The following ARIH1 variants were observed in gnomAD, a reference collection of about 807,000 sequenced individuals.
ARIH1 encodes E3 ubiquitin-protein ligase ARIH1.
A neutral mutation model predicts 85.0 loss-of-function variants in ARIH1; 8 were observed. The observed-to-expected ratio is 0.09, with a 90% CI of 0.06 to 0.17. The LOEUF (loss-of-function observed/expected upper bound fraction) is 0.17. ARIH1 is among the 10% of genes least tolerant of loss of function. The pLI is 1.00. For synonymous variants in ARIH1, 238 were observed against 253.6 expected, an observed-to-expected ratio of 0.94 and a Z score of 0.59; for missense variants, 311 against 718.1, an observed-to-expected ratio of 0.43 and a Z score of 6.48.
At chr15:72,492,429 CT>C (rs1197727239) in intron 1 of ARIH1, among the ~76,000 whole-genome samples, 17 of 152,162 alleles carry the variant, frequency 1.1e-4, no homozygotes, top group African/African-American at 4.1e-4. Flanking sequence ...GAAAATAGTT[CT>C]TTAGTAAAGT....
At chr15:72,571,396 A>C (rs2064246134) in intron 10 of ARIH1, among the ~76,000 whole-genome samples, 1 of 152,220 alleles carries the variant, frequency 6.6e-6, no homozygotes, top group African/African-American at 2.4e-5. Flanking sequence ...AGTGCATGGT[A>C]TATAGTAAGC....
intron 1 of ARIH1, among the ~76,000 whole-genome samples, chr15:72,500,511 TTATAAAGC>T (rs2063898323): frequency 6.6e-6 from 1 of 152,228 alleles, no homozygotes; most frequent in Non-Finnish European, 1.5e-5. Context: ...ACTTGTGTCC[TTATAAAGC>T]TTTGGGGAAT....
At position 72,587,050 on chromosome 15, in the gene ARIH1, T is replaced by C; in HGVS notation, c.*3758T>C. The C allele has an allele frequency of 2.6e-6, 1 of 381,256 alleles. No individual in the cohort carries two copies. 23.6% of individuals were successfully genotyped at this position (381,256 alleles called of 1,614,324 possible). ...CAGGTTTTAGGACAATTTAATTTACTCTTATTTGGATCTGTAATTATGGGA... is the reference window on the plus strand; with the variant it reads ...CAGGTTTTAGGACAATTTAATTTACCCTTATTTGGATCTGTAATTATGGGA... On this transcript the variant is annotated 3_prime_UTR_variant, in exon 14 of 14. Transcript: ENST00000379887.
In ARIH1 at chr15:72,509,308, A is replaced by C. The variant is rs147621624; in HGVS notation, c.376-8759A>C. Among the ~76,000 whole-genome samples the C allele has an allele frequency of 2.0e-4, 31 of 152,212 alleles. No homozygotes were observed. In the East Asian group the frequency reaches 6.0e-3, roughly 29 times the overall value. Reference sequence around the variant, plus strand: ...CCTGGCCCACATTGTTCTTTTTAAAAGAACTTCACTACAGGTGCTCCAGTG... The same window carrying C: ...CCTGGCCCACATTGTTCTTTTTAAACGAACTTCACTACAGGTGCTCCAGTG... On this transcript the variant is annotated intron_variant, in intron 1 of 13. Transcript: ENST00000379887.
chr15:72,495,529 C>T (rs1287473966), intron 1 of ARIH1, among the ~76,000 whole-genome samples: 1 of 152,080 alleles, frequency 6.6e-6, no homozygotes, highest in African/African-American at 2.4e-5. Context: ...AAAGAATATA[C>T]AAATGGTTAG....
At chr15:72,486,669 T>C (rs2063838610) in intron 1 of ARIH1, among the ~76,000 whole-genome samples, 1 of 151,162 alleles carries the variant, frequency 6.6e-6, no homozygotes, top group Non-Finnish European at 1.5e-5. Flanking sequence ...GCCCTACTTT[T>C]TTTTTTTTTC....
intron 1 of ARIH1, among the ~76,000 whole-genome samples, chr15:72,502,650 A>G (rs1415247183): frequency 2.0e-5 from 3 of 152,024 alleles, no homozygotes; most frequent in Non-Finnish European, 2.9e-5. Flanking sequence ...ACAAAAAAAT[A>G]AAAAAATTAG....
At chr15:72,501,258 G>C (rs1302336901) in intron 1 of ARIH1, among the ~76,000 whole-genome samples, 1 of 152,100 alleles carries the variant, frequency 6.6e-6, no homozygotes, top group East Asian at 1.9e-4. Flanking sequence ...TTCAAAAATA[G>C]AATTTTTCTT....
intron 1 of ARIH1, among the ~76,000 whole-genome samples, chr15:72,485,058 G>A (rs942061219): frequency 5.3e-5 from 8 of 152,112 alleles, no homozygotes; most frequent in Non-Finnish European, 8.8e-5. Flanking sequence ...GCGTAGAAGT[G>A]TTCCCTTCTC....
chr15:72,479,115 G>T (rs886433617), intron 1 of ARIH1, among the ~76,000 whole-genome samples: 27 of 151,910 alleles, frequency 1.8e-4, no homozygotes, highest in Non-Finnish European at 4.4e-5. Context: ...TGGTAGGCCT[G>T]GAAATCCAAA....
At chr15:72,578,607 C>T (rs145982471) in intron 11 of ARIH1, among the ~76,000 whole-genome samples, 43 of 151,896 alleles carry the variant, frequency 2.8e-4, no homozygotes, top group African/African-American at 1.0e-3. Context: ...GGTTTGTCCG[C>T]AAGTGTTTTC....
rs2064351427 is a variant in ARIH1 at position 72,593,612 on chromosome 15, TA to T, written c.*10325del. 1 of 152,226 alleles carries T rather than the reference TA, an allele frequency of 6.6e-6. No homozygotes were observed. Among genetic ancestry groups the T allele is most frequent in the Admixed American group, 6.5e-5 (1 of 15,290 alleles). The allele number at this position is 152,226 out of a possible 1,614,324, so 9.4% of individuals were successfully genotyped here. ...CATTAGATTGACTTGGTAGCTTGGT[TA>T]AAAATTGATCACGTGTGTGTGTATT... is the stretch of plus-strand genomic sequence containing the variant. On this transcript the variant is annotated 3_prime_UTR_variant, in exon 14 of 14. Coordinates refer to ENST00000379887, the MANE Select transcript of ARIH1 (RefSeq NM_005744.5).
chr15:72,567,071 TTTG>T, intron 8 of ARIH1, 32 bp from the exon 9 acceptor site: 1 of 1,521,420 alleles, frequency 6.6e-7, no homozygotes. Flanking sequence ...TTAAAAGTCT[TTTG>T]TTGTATCCTA....
Position 72,582,330 on chromosome 15 carries a change from G to T in ARIH1, c.1589+143G>T. On this transcript the variant is annotated intron_variant, in intron 13 of 13. Transcript: ENST00000379887. The surrounding 1 kb of genome is among the most constrained non-coding windows in gnomAD (Gnocchi z 4.6). ...TCTCACAGATTGCTTCTGTCCGTTG[G>T]GCACTAAATTGCAGGTAATAGTATT... The T allele has an allele frequency of 1.7e-6, 1 of 605,638 alleles. No individual in the cohort carries two copies. The highest frequency in any genetic ancestry group is 1.9e-5 in the African/African-American group (1 of 53,436). 37.5% of individuals were successfully genotyped at this position (605,638 alleles called of 1,614,324 possible). A position where few individuals can be genotyped will look rare whatever the true frequency, so the allele number is the denominator to read the frequency against.
rs2064353343 is a variant in ARIH1 at position 72,594,106 on chromosome 15, C to T, written c.*10814C>T. ...CCTTGCGTAACACTTGCTTATCTTA[C>T]ATTAGACTTTTTCTTAAGCATTTGA... On this transcript the variant is annotated 3_prime_UTR_variant, in exon 14 of 14. Coordinates refer to ENST00000379887, the MANE Select transcript of ARIH1 (RefSeq NM_005744.5). 6.6e-6 allele frequency: 1 copy of T among 151,666 alleles called. No individual in the cohort carries two copies. Among genetic ancestry groups the T allele is most frequent in the Admixed American group, 6.6e-5 (1 of 15,210 alleles). 9.4% of individuals were successfully genotyped at this position (151,666 alleles called of 1,614,324 possible).
chr15:72,555,146 C>T (rs1168678890), intron 3 of ARIH1, 125 bp from the exon 4 acceptor site: 4 of 650,570 alleles, frequency 6.1e-6, no homozygotes, highest in Non-Finnish European at 1.1e-5. Flanking sequence ...AGGAGCCCAT[C>T]TATTGTCAAA....
At chr15:72,577,907 A>G (rs1182333710) in intron 11 of ARIH1, among the ~76,000 whole-genome samples, 1 of 152,196 alleles carries the variant, frequency 6.6e-6, no homozygotes, top group Non-Finnish European at 1.5e-5. Context: ...TATAGTAACA[A>G]TCCTCTTTCC....
At chr15:72,520,429 G>T (rs911338283) in intron 2 of ARIH1, among the ~76,000 whole-genome samples, 4 of 150,656 alleles carry the variant, frequency 2.7e-5, no homozygotes, top group African/African-American at 9.8e-5. Context: ...TGGGTTTTAG[G>T]AGTGTCTTTT....
chr15:72,566,450 C>A, intron 7 of ARIH1, 113 bp from the exon 8 acceptor site: 2 of 856,008 alleles, frequency 2.3e-6, no homozygotes, highest in South Asian at 2.9e-5. Context: ...ATTTGCCAGT[C>A]ACTAGAAACT....
Sources: gnomAD v4.1 joint callset for allele counts (sites outside exome capture counted in the v4.1 genomes callset) on GRCh38, gnomAD v4.1.1 for gene constraint, Gnocchi (gnomAD v3.1) non-coding constraint, MANE v1.5 for transcripts, NCBI Gene and HGNC (gene_info 2026-07-23, HGNC 2026-07-21) for gene names.